Variants in PCDHA13 observed in about 807,000 individuals in gnomAD.
The protein encoded by PCDHA13 is protocadherin alpha-13.
In PCDHA13, 54 loss-of-function variants were observed where a neutral mutation model predicts 64.8. That is an observed-to-expected ratio of 0.83 (90% CI 0.67 to 1.04). The LOEUF is 1.04. Ranked by LOEUF, PCDHA13 falls within the 50% of genes least tolerant of loss-of-function variation. The probability of loss-of-function intolerance (pLI) is 0.00; values close to 1 mark genes in which losing one functional copy is unlikely to be tolerated. For synonymous variants in PCDHA13, 587 were observed against 564.4 expected (o/e 1.04, Z -0.57); for missense variants, 1,248 against 1,254.3 (o/e 0.99, Z 0.08).
chr5:140,985,878 T>A (rs891027308), intron 3 of PCDHA13, among the ~76,000 whole-genome samples: 1 of 151,822 alleles, frequency 6.6e-6, no homozygotes, highest in South Asian at 2.1e-4. Flanking sequence ...TAGCTGGGAC[T>A]ACAGGCGCCC....
chr5:140,930,203 T>C (rs1486886896), intron 1 of PCDHA13: 6 of 152,202 alleles, frequency 3.9e-5, no homozygotes, highest in African/African-American at 1.4e-4. Flanking sequence ...ATGTCAGAAA[T>C]ATTTATGTGT....
intron 3 of PCDHA13, among the ~76,000 whole-genome samples, chr5:140,990,141 C>A (rs2097376222): frequency 6.6e-6 from 1 of 151,818 alleles, no homozygotes; most frequent in African/African-American, 2.4e-5. Flanking sequence ...ACTCAAGAGG[C>A]ATAATAATAG....
intron 1 of PCDHA13, chr5:140,929,129 C>A (rs1206531954): frequency 6.2e-7 from 1 of 1,614,052 alleles, no homozygotes; most frequent in East Asian, 2.2e-5. Context: ...GATGTCACTA[C>A]AGTTGAGAGA....
In PCDHA13 at chr5:140,985,515, T is replaced by G. The variant is rs529024123; in HGVS notation, c.2542+2952T>G. The stretch of plus-strand genomic sequence containing the variant: ...AGAGCCTGCCTTTCATTGATTCTGT[T>G]GCCCTTAAAGCTTCACGGTGAAGAT... On this transcript the variant is annotated intron_variant, in intron 3 of 3. Transcript: ENST00000289272. Among the ~76,000 whole-genome samples, 8 of 152,284 alleles carry G rather than the reference T, an allele frequency of 5.3e-5. No individual in the cohort carries two copies. In the South Asian group the frequency reaches 1.7e-3, roughly 32 times the overall value.
chr5:140,971,115 G>A (rs1409733667), intron 1 of PCDHA13, among the ~76,000 whole-genome samples: 1 of 152,146 alleles, frequency 6.6e-6, no homozygotes, highest in Non-Finnish European at 1.5e-5. Flanking sequence ...GGATTGGGGT[G>A]GGCTACAGGT....
chr5:141,009,491 C>G, intron 3 of PCDHA13, 136 bp from the exon 4 acceptor site: 1 of 1,475,722 alleles, frequency 6.8e-7, no homozygotes, highest in Non-Finnish European at 9.0e-7. Flanking sequence ...GCCTTGCCCT[C>G]AGACTTGAAC....
At chr5:140,903,470 C>T (rs1425928113) in intron 1 of PCDHA13, among the ~76,000 whole-genome samples, 2 of 152,140 alleles carry the variant, frequency 1.3e-5, no homozygotes, top group Non-Finnish European at 2.9e-5. Context: ...AATATTATTC[C>T]TTGCATTATA....
At chr5:140,997,816 T>C (rs1363819907) in intron 3 of PCDHA13, among the ~76,000 whole-genome samples, 1 of 152,232 alleles carries the variant, frequency 6.6e-6, no homozygotes, top group African/African-American at 2.4e-5. Flanking sequence ...TGTTGGTATC[T>C]ATGTTTTCTA....
chr5:140,902,127 C>G (rs2069118126), intron 1 of PCDHA13, among the ~76,000 whole-genome samples: 1 of 150,418 alleles, frequency 6.6e-6, no homozygotes, highest in African/African-American at 2.4e-5. Context: ...GAGATTATAT[C>G]ATCTGCAAAC....
chr5:141,000,421 A>AT lies in PCDHA13; in HGVS notation c.2543-9183dup, dbSNP rs34755515. Reference sequence around the variant, plus strand: ...TATATATATATATATATATATATATATTTTTTTTTTTTTTTTTTTTTTTGA... The same window carrying AT: ...TATATATATATATATATATATATATATTTTTTTTTTTTTTTTTTTTTTTTGA... On this transcript the variant is annotated intron_variant, in intron 3 of 3. Transcript: ENST00000289272. 8.6e-3 allele frequency among the ~76,000 whole-genome samples: 241 copies of AT among 27,996 alleles called. 11 individuals carry two copies. The highest frequency in any genetic ancestry group is 9.4e-3 in the African/African-American group (53 of 5,644). The allele number at this position is 27,996 out of a possible 152,430, so 18.4% of individuals were successfully genotyped here.
chr5:140,928,473 C>T (rs782009999), intron 1 of PCDHA13: 1 of 1,613,978 alleles, frequency 6.2e-7, no homozygotes, highest in Admixed American at 1.7e-5. Context: ...AAGTAGAAGG[C>T]CGGGATGGTG....
intron 1 of PCDHA13, among the ~76,000 whole-genome samples, chr5:140,886,846 AAG>A (rs1345370045): frequency 2.0e-5 from 3 of 151,444 alleles, no homozygotes; most frequent in Admixed American, 6.6e-5. Context: ...AAAAAAAAAA[AAG>A]AAAGGTCTTC....
intron 1 of PCDHA13, among the ~76,000 whole-genome samples, chr5:140,890,854 T>G (rs1320462436): frequency 6.6e-6 from 1 of 152,232 alleles, no homozygotes; most frequent in Non-Finnish European, 1.5e-5. Context: ...TTTCTCTTCC[T>G]TACTTCTTGC....
chr5:140,956,585 T>G (rs1004549488), intron 1 of PCDHA13, among the ~76,000 whole-genome samples: 4 of 152,198 alleles, frequency 2.6e-5, no homozygotes, highest in Non-Finnish European at 5.9e-5. Flanking sequence ...CATTGATGCT[T>G]ATCAGGGATA....
Position 140,938,565 on chromosome 5 carries a change from A to G in PCDHA13, c.2395-40384A>G, listed in dbSNP as rs1347602327. Among the ~76,000 whole-genome samples the G allele has an allele frequency of 2.0e-5, 3 of 151,630 alleles. No individual in the cohort carries two copies. The East Asian group carries it at 5.8e-4, about 29-fold the overall frequency. On this transcript the variant is annotated intron_variant, in intron 1 of 3. Coordinates refer to ENST00000289272, the MANE Select transcript of PCDHA13 (RefSeq NM_018904.3). ...TTTTATCCTTTTATTAATAGCATGC[A>G]TTATATTGGTTGATTTGTTAATGAT...
At chr5:141,005,796 AAC>A (rs2098240426) in intron 3 of PCDHA13, among the ~76,000 whole-genome samples, 1 of 151,400 alleles carries the variant, frequency 6.6e-6, no homozygotes, top group Admixed American at 6.6e-5. Flanking sequence ...AGGCAAAAAC[AAC>A]TCCAAGGAGC....
At chr5:140,987,275 CTA>C (rs1554249023) in intron 3 of PCDHA13, among the ~76,000 whole-genome samples, 1 of 151,726 alleles carries the variant, frequency 6.6e-6, no homozygotes, top group Non-Finnish European at 1.5e-5. Context: ...ACCCGGCAGT[CTA>C]TGTTTTAACA....
At position 140,884,459 on chromosome 5, in the gene PCDHA13, G is replaced by T. The variant is rs530412188; in HGVS notation, c.2191G>T (p.Ala731Ser). ...GTGCTCGGCACCGCCCACCGAGGGC[G>T]CGTGCGCGCCGGGCAAGCCCACTCT... is the stretch of plus-strand genomic sequence containing the variant. ...LRCSAPPTEG[A>S]CAPGKPTLVC... Residue 731 changes from alanine to serine, a missense_variant, in exon 1 of 4, where the codon GCG becomes TCG. Transcript: ENST00000289272. 1.2e-6 allele frequency: 2 copies of T among 1,613,754 alleles called. No individual in the cohort carries two copies. Among genetic ancestry groups the T allele is most frequent in the South Asian group, 2.2e-5 (2 of 91,038 alleles).
chr5:140,921,498 A>G (rs2080245132), intron 1 of PCDHA13, among the ~76,000 whole-genome samples: 1 of 152,230 alleles, frequency 6.6e-6, no homozygotes, highest in African/African-American at 2.4e-5. Context: ...TTAGTTTATT[A>G]GATAGTGCCT....
Sources: gnomAD v4.1 joint callset for allele counts (sites outside exome capture counted in the v4.1 genomes callset) on GRCh38, gnomAD v4.1.1 for gene constraint, MANE v1.5 for transcripts, NCBI Gene and HGNC (gene_info 2026-07-23, HGNC 2026-07-21) for gene names.